The following POTEC variants were observed in gnomAD, a reference collection of about 807,000 sequenced individuals.
POTEC encodes the protein ANKRD26-like family B member 2.
In POTEC, 35 loss-of-function variants were observed where a neutral mutation model predicts 62.0. That is an observed-to-expected ratio of 0.56 (90% CI 0.43 to 0.75). POTEC has a LOEUF of 0.75. Among genes scored for constraint, POTEC ranks in the 30% least tolerant of loss-of-function variants. POTEC has a pLI of 0.00. For synonymous variants in POTEC, 156 were observed against 221.5 expected (o/e 0.70, Z 2.62); for missense variants, 472 against 655.9 (o/e 0.72, Z 3.06).
rs984177199 is a variant in POTEC, at chr18:14,508,327, CT to C, written c.*3570del. 6.6e-6 allele frequency: 1 copy of C among 152,552 alleles called. No homozygotes were observed. Among genetic ancestry groups the C allele is most frequent in the African/African-American group, 2.4e-5 (1 of 41,412 alleles). 9.4% of individuals were successfully genotyped at this position (152,552 alleles called of 1,614,324 possible). ...ATTTCAGAAAGCCAGTTTTCAAGCT[CT>C]GGGATTCTTTCCTCTTCTTGGTCTA... On this transcript the variant is annotated 3_prime_UTR_variant, in exon 11 of 11. Transcript: ENST00000358970.
chr18:14,535,172 C>T (rs1448729642), intron 3 of POTEC, among the ~76,000 whole-genome samples, 165 bp from the exon 4 acceptor site: 1 of 151,666 alleles, frequency 6.6e-6, no homozygotes, highest in Non-Finnish European at 1.5e-5. Flanking sequence ...CCCTTGGAAA[C>T]ATCCCTTCTC....
intron 9 of POTEC, among the ~76,000 whole-genome samples, chr18:14,520,613 T>G (rs552474807): frequency 6.6e-6 from 1 of 151,750 alleles, no homozygotes; most frequent in South Asian, 2.1e-4. Context: ...GTGAGGTGAA[T>G]ACTGAAATAT....
chr18:14,539,401 T>C (rs1292337494), intron 1 of POTEC, among the ~76,000 whole-genome samples: 1 of 146,942 alleles, frequency 6.8e-6, no homozygotes, highest in Non-Finnish European at 1.5e-5. Context: ...ACCCGTTAGT[T>C]CTATTTCCTG....
At position 14,542,608 on chromosome 18, in the gene POTEC, C is replaced by T. The variant is rs1905977446; in HGVS notation, c.521+18G>A. On this transcript the variant is annotated intron_variant, in intron 1 of 10. Transcript: ENST00000358970. ...CATCCCCCCATGTCCCGCCTCCTCC[C>T]ATCCCAGGCCCAGTTACCTCTTTTG... is the stretch of plus-strand genomic sequence containing the variant. 1.2e-6 allele frequency: 2 copies of T among 1,611,980 alleles called. No homozygotes were observed. Among genetic ancestry groups the T allele is most frequent in the Admixed American group, 1.7e-5 (1 of 59,980 alleles).
At chr18:14,538,552 A>C (rs1001548605) in intron 1 of POTEC, among the ~76,000 whole-genome samples, 2 of 151,756 alleles carry the variant, frequency 1.3e-5, no homozygotes, top group Non-Finnish European at 2.9e-5. Flanking sequence ...CCTCATCAAT[A>C]AAATGGGAAT....
At chr18:14,515,061 A>C (rs1385615938) in intron 9 of POTEC, among the ~76,000 whole-genome samples, 1 of 152,160 alleles carries the variant, frequency 6.6e-6, no homozygotes, top group Non-Finnish European at 1.5e-5. Context: ...CAGATGATAC[A>C]AATAAATGAA....
At chr18:14,516,335 T>TATAC (rs1308067956) in intron 9 of POTEC, among the ~76,000 whole-genome samples, 11 of 69,948 alleles carry the variant, frequency 1.6e-4, no homozygotes, top group Non-Finnish European at 2.7e-4. Context: ...TATATATATA[T>TATAC]ACCTATACCT....
At position 14,534,699 on chromosome 18, in the gene POTEC, TATA is replaced by T. The variant is rs550258268; in HGVS notation, c.917+199_917+201del. Among the ~76,000 whole-genome samples, 865 of 150,124 alleles carry T rather than the reference TATA, an allele frequency of 5.8e-3. 7 individuals are homozygous for T. Among genetic ancestry groups the T allele is most frequent in the African/African-American group, 0.02 (827 of 40,760 alleles). On this transcript the variant is annotated intron_variant, in intron 4 of 10. Coordinates refer to ENST00000358970, the MANE Select transcript of POTEC (RefSeq NM_001137671.2). ...TCATACAACAAATAACATCAGTCAATATAATAAGAGAAGATGAATCCTACTAAA... is the reference window on the plus strand; with the variant it reads ...TCATACAACAAATAACATCAGTCAATATAAGAGAAGATGAATCCTACTAAA...
chr18:14,522,719 A>C (rs1373798863), intron 8 of POTEC, among the ~76,000 whole-genome samples: 3 of 152,012 alleles, frequency 2.0e-5, no homozygotes, highest in African/African-American at 7.2e-5. Flanking sequence ...TATTCCCAAA[A>C]ACTCTTCAGA....
In POTEC at chr18:14,520,015, G is replaced by A. The variant is rs1365657830; in HGVS notation, c.1409+2239C>T. 4.6e-5 allele frequency among the ~76,000 whole-genome samples: 7 copies of A among 152,224 alleles called. No homozygotes were observed. In the East Asian group the frequency reaches 5.8e-4, roughly 13 times the overall value. ...ATTAGTGATAATCTTGAGGAAAAAC[G>A]TTGGAGGACTGCTGAAATTGAAGAC... On this transcript the variant is annotated intron_variant, in intron 9 of 10. Transcript: ENST00000358970.
At chr18:14,542,152 T>C (rs1230827834) in intron 1 of POTEC, among the ~76,000 whole-genome samples, 1 of 152,156 alleles carries the variant, frequency 6.6e-6, no homozygotes, top group Non-Finnish European at 1.5e-5. Flanking sequence ...ATATGAACCA[T>C]ACTTCCCATT....
chr18:14,537,847 G>T lies in POTEC; in HGVS notation c.764C>A (p.Ala255Asp). The change falls in exon 3 of 11, where the codon GCC (alanine) becomes GAC (aspartate). Residue 255 changes from alanine (A) to aspartate (D), a missense_variant. Around this residue, in one of 5 missense-constraint regions of POTEC, gnomAD observed 52 missense variants for 54.2 expected, o/e 0.96. Transcript: ENST00000358970. Reference sequence around the variant, plus strand: ...AGCACCATATAAGAGCAGTGCTTTGGCCATTAATTTATCTTCATTGTGGAC... The same window carrying T: ...AGCACCATATAAGAGCAGTGCTTTGTCCATTAATTTATCTTCATTGTGGAC... ...YAVHNEDKLM[A>D]KALLLYGADI... 1 of 1,612,002 alleles carries T rather than the reference G, an allele frequency of 6.2e-7. No homozygotes were observed. The highest frequency in any genetic ancestry group is 8.5e-7 in the Non-Finnish European group (1 of 1,179,692).
At chr18:14,517,048 T>C (rs1359123788) in intron 9 of POTEC, among the ~76,000 whole-genome samples, 3 of 149,844 alleles carry the variant, frequency 2.0e-5, no homozygotes, top group Non-Finnish European at 3.0e-5. Context: ...AGAAAGAAAA[T>C]AATTAATTTT....
In POTEC at chr18:14,507,467, T is replaced by C. The variant is rs543392841; in HGVS notation, c.*4431A>G. On this transcript the variant is annotated 3_prime_UTR_variant, in exon 11 of 11. Coordinates refer to ENST00000358970, the MANE Select transcript of POTEC (RefSeq NM_001137671.2). ...CATTCCTTTATTTTGAGCCTATGTATGGCACTGCATGTGAGATGGGTTTCT... is the reference window on the plus strand; with the variant it reads ...CATTCCTTTATTTTGAGCCTATGTACGGCACTGCATGTGAGATGGGTTTCT... 9 of 152,068 alleles carry C rather than the reference T, an allele frequency of 5.9e-5. No individual in the cohort carries two copies. Among genetic ancestry groups the C allele is most frequent in the South Asian group, 2.1e-4 (1 of 4,806 alleles). 9.4% of individuals were successfully genotyped at this position (152,068 alleles called of 1,614,324 possible).
In POTEC at chr18:14,509,324, A is replaced by T. The variant is rs1909933961; in HGVS notation, c.*2574T>A. The T allele has an allele frequency of 6.6e-6, 1 of 152,050 alleles. No homozygotes were observed. The highest frequency in any genetic ancestry group is 2.4e-5 in the African/African-American group (1 of 41,394). The allele number at this position is 152,050 out of a possible 1,614,324, so 9.4% of individuals were successfully genotyped here. On this transcript the variant is annotated 3_prime_UTR_variant, in exon 11 of 11. Coordinates refer to ENST00000358970, the MANE Select transcript of POTEC (RefSeq NM_001137671.2). The stretch of plus-strand genomic sequence containing the variant: ...TGATCCCCCCCAAGCAACAGTGGTC[A>T]CTCAGGGTATAAGAAGGTCCCTTTT...
intron 9 of POTEC, among the ~76,000 whole-genome samples, chr18:14,514,359 CT>C (rs1910092962): frequency 6.6e-6 from 1 of 151,902 alleles, no homozygotes; most frequent in Non-Finnish European, 1.5e-5. Flanking sequence ...TGAAGCTTCA[CT>C]TGCTCCCTAC....
intron 9 of POTEC, among the ~76,000 whole-genome samples, 176 bp from the exon 10 acceptor site, chr18:14,513,961 A>G (rs1243752902): frequency 6.6e-6 from 1 of 152,138 alleles, no homozygotes; most frequent in African/African-American, 2.4e-5. Context: ...GGCACCAGGG[A>G]CTAGTTTTGT....
At chr18:14,522,151 T>G (rs148370968) in intron 9 of POTEC, 103 bp downstream of exon 9, 112,150 of 1,522,228 alleles carry the variant, frequency 0.074, 4,371 homozygotes, top group Middle Eastern at 0.11. Context: ...AGGCTGAATA[T>G]TCTAGTAAAA....
chr18:14,517,660 G>C (rs1254064408), intron 9 of POTEC, among the ~76,000 whole-genome samples: 3 of 152,034 alleles, frequency 2.0e-5, no homozygotes. Flanking sequence ...TACAGAGTTC[G>C]AGACCAGCCT....
Sources: gnomAD v4.1 joint callset for allele counts (sites outside exome capture counted in the v4.1 genomes callset) on GRCh38, gnomAD v4.1.1 for gene constraint, gnomAD v4.1.1 regional missense constraint, MANE v1.5 for transcripts, NCBI Gene and HGNC (gene_info 2026-07-23, HGNC 2026-07-21) for gene names.